RBFOX1: variants seen among roughly 807,000 people sequenced by gnomAD.
The protein encoded by RBFOX1 is RNA binding fox-1 homolog 1, also known as RNA binding protein fox-1 homolog 1.
A neutral mutation model predicts 57.7 loss-of-function variants in RBFOX1; 8 were observed. The observed-to-expected ratio is 0.14, with a 90% CI of 0.08 to 0.25. RBFOX1 has a LOEUF of 0.25. Ranked by LOEUF, RBFOX1 falls within the 10% of genes least tolerant of loss-of-function variation. The pLI is 1.00. For synonymous variants in RBFOX1, 326 were observed against 222.4 expected (o/e 1.47, Z -4.15); for missense variants, 611 against 548.5 (o/e 1.11, Z -1.14).
chr16:7,085,207 A>C (rs1042120649), intron 4 of RBFOX1, among the ~76,000 whole-genome samples: 2 of 152,176 alleles, frequency 1.3e-5, no homozygotes, highest in Admixed American at 6.5e-5. Flanking sequence ...TGGTTATTCT[A>C]CTTGCCAAAT....
intron 1 of RBFOX1, among the ~76,000 whole-genome samples, chr16:5,402,685 C>G (rs1003341288): frequency 1.3e-4 from 20 of 152,108 alleles, no homozygotes; most frequent in Admixed American, 1.3e-3. Context: ...CTTGCTGCTG[C>G]AAGTTTTGAG....
At position 7,672,029 on chromosome 16, in the gene RBFOX1, G is replaced by C. The variant is rs543491305; in HGVS notation, c.931-4745G>C. On this transcript the variant is annotated intron_variant, in intron 13 of 15. Coordinates refer to ENST00000550418, the MANE Select transcript of RBFOX1 (RefSeq NM_018723.4). ...TGGATAATTTTTTAGTAGGTTCCCAGAGTGAACCGGAATGGGGTTAAATCA... is the reference window on the plus strand; with the variant it reads ...TGGATAATTTTTTAGTAGGTTCCCACAGTGAACCGGAATGGGGTTAAATCA... Among the ~76,000 whole-genome samples, 6 of 152,300 alleles carry C rather than the reference G, an allele frequency of 3.9e-5. No homozygotes were observed. In the South Asian group the frequency reaches 1.2e-3, roughly 32 times the overall value.
intron 3 of RBFOX1, among the ~76,000 whole-genome samples, chr16:6,830,143 C>G (rs1283014473): frequency 2.0e-5 from 3 of 150,184 alleles, no homozygotes; most frequent in South Asian, 2.1e-4. Flanking sequence ...TCTTGAATTC[C>G]TGACCTCAGG....
At chr16:7,042,673 G>T (rs1597829052) in intron 3 of RBFOX1, among the ~76,000 whole-genome samples, 1 of 152,202 alleles carries the variant, frequency 6.6e-6, no homozygotes. Context: ...CGCCTGTAAT[G>T]CCAGCAGTTT....
intron 3 of RBFOX1, among the ~76,000 whole-genome samples, chr16:6,874,326 C>T (rs567759508): frequency 1.3e-5 from 2 of 151,964 alleles, no homozygotes; most frequent in East Asian, 3.9e-4. Context: ...GCCTGGCCAA[C>T]ATGATGAAAC....
At chr16:7,024,311 T>C (rs550987609) in intron 3 of RBFOX1, among the ~76,000 whole-genome samples, 22 of 152,324 alleles carry the variant, frequency 1.4e-4, no homozygotes, top group African/African-American at 4.6e-4. Context: ...TTCTGTGACA[T>C]TGTGCCATCC....
intron 1 of RBFOX1, among the ~76,000 whole-genome samples, chr16:6,210,361 C>A (rs200836522): frequency 2.8e-3 from 174 of 61,390 alleles, no homozygotes; most frequent in African/African-American, 3.6e-3. Flanking sequence ...AAAAAAACAC[C>A]AAAAAAAAAA....
Position 7,602,070 on chromosome 16 carries a change from C to G in RBFOX1, c.622+4639C>G, listed in dbSNP as rs147022574. On this transcript the variant is annotated intron_variant, in intron 9 of 15. Coordinates refer to ENST00000550418, the MANE Select transcript of RBFOX1 (RefSeq NM_018723.4). ...CCTGTAGCGTACATAAGGGTGCTCTCTGGAATGCGTTTCTTTGATATGTAA... is the reference window on the plus strand; with the variant it reads ...CCTGTAGCGTACATAAGGGTGCTCTGTGGAATGCGTTTCTTTGATATGTAA... Among the ~76,000 whole-genome samples the G allele has an allele frequency of 7.8e-3, 1,194 of 152,284 alleles. 13 individuals are homozygous for G. The highest frequency in any genetic ancestry group is 0.027 in the African/African-American group (1,137 of 41,552).
chr16:7,204,986 T>G (rs1372371311), intron 4 of RBFOX1, among the ~76,000 whole-genome samples: 1 of 152,342 alleles, frequency 6.6e-6, no homozygotes, highest in East Asian at 1.9e-4. Context: ...ATTGTGACTT[T>G]CTCTTTATCC....
chr16:7,191,101 T>A (rs563620710), intron 4 of RBFOX1, among the ~76,000 whole-genome samples: 36 of 152,194 alleles, frequency 2.4e-4, no homozygotes, highest in Middle Eastern at 3.4e-3. Context: ...AAACTGTGAT[T>A]CCTAACCCAG....
intron 3 of RBFOX1, among the ~76,000 whole-genome samples, chr16:5,723,551 C>G (rs2052017436): frequency 6.6e-6 from 1 of 151,960 alleles, no homozygotes; most frequent in African/African-American, 2.4e-5. Context: ...GACCTTTGGT[C>G]TAAGGTTGAG....
chr16:7,236,336 G>T (rs2093763877), intron 4 of RBFOX1, among the ~76,000 whole-genome samples: 1 of 152,168 alleles, frequency 6.6e-6, no homozygotes, highest in Non-Finnish European at 1.5e-5. Context: ...AGGAGATCAT[G>T]TATGCAAAAA....
intron 3 of RBFOX1, among the ~76,000 whole-genome samples, chr16:6,702,994 A>G (rs1006410362): frequency 1.3e-5 from 2 of 152,194 alleles, no homozygotes; most frequent in Non-Finnish European, 2.9e-5. Context: ...TGTTCTAGGT[A>G]CGTTATCTAA....
At chr16:6,636,936 TACATA>T (rs2098441168) in intron 2 of RBFOX1, among the ~76,000 whole-genome samples, 1 of 108,564 alleles carries the variant, frequency 9.2e-6, no homozygotes, top group Non-Finnish European at 1.7e-5. Context: ...TGTATAAATA[TACATA>T]AAATATACAT....
chr16:6,739,042 T>A (rs2071280286), intron 3 of RBFOX1, among the ~76,000 whole-genome samples: 1 of 151,906 alleles, frequency 6.6e-6, no homozygotes, highest in Non-Finnish European at 1.5e-5. Flanking sequence ...AAATGACAAT[T>A]CTAAAATCAA....
intron 2 of RBFOX1, among the ~76,000 whole-genome samples, chr16:6,618,192 C>G (rs977262573): frequency 6.6e-6 from 1 of 152,094 alleles, no homozygotes; most frequent in Non-Finnish European, 1.5e-5. Flanking sequence ...AGTTCACCTC[C>G]CAGCACCCTG....
chr16:7,156,530 T>G (rs2077181015), intron 4 of RBFOX1, among the ~76,000 whole-genome samples: 1 of 152,132 alleles, frequency 6.6e-6, no homozygotes, highest in Non-Finnish European at 1.5e-5. Context: ...TAGATATATA[T>G]GTGTACATAT....
chr16:7,640,780 C>A (rs1365041614), intron 11 of RBFOX1, among the ~76,000 whole-genome samples: 6 of 152,126 alleles, frequency 3.9e-5, no homozygotes, highest in African/African-American at 1.4e-4. Context: ...AAAACTCACC[C>A]TCATCCGGCC....
At chr16:6,943,772 C>G (rs549842706) in intron 3 of RBFOX1, among the ~76,000 whole-genome samples, 1 of 151,608 alleles carries the variant, frequency 6.6e-6, no homozygotes, top group Non-Finnish European at 1.5e-5. Flanking sequence ...ATCCCAGCAG[C>G]TGAACTTCAA....
Sources: gnomAD v4.1 joint callset for allele counts (sites outside exome capture counted in the v4.1 genomes callset) on GRCh38, gnomAD v4.1.1 for gene constraint, MANE v1.5 for transcripts, NCBI Gene and HGNC (gene_info 2026-07-23, HGNC 2026-07-21) for gene names.